The following PPFIBP1 variants were observed in gnomAD, a reference collection of about 807,000 sequenced individuals.
PPFIBP1 encodes the protein PPFIB scaffold protein 1.
In PPFIBP1, 112 loss-of-function variants were observed where a neutral mutation model predicts 137.8. The observed-to-expected ratio is 0.81, with a 90% confidence interval of 0.70 to 0.95. PPFIBP1 has a LOEUF of 0.95. PPFIBP1 is among the 40% of genes least tolerant of loss of function. The pLI is 0.00. For synonymous variants in PPFIBP1, 378 were observed against 417.3 expected, an observed-to-expected ratio of 0.91 and a Z score of 1.15; for missense variants, 1,083 against 1,196.6, an observed-to-expected ratio of 0.91 and a Z score of 1.40.
At chr12:27,530,857 C>T (rs558442302) in intron 1 of PPFIBP1, among the ~76,000 whole-genome samples, 1 of 152,148 alleles carries the variant, frequency 6.6e-6, no homozygotes, top group African/African-American at 2.4e-5. Context: ...AGCAGGCCAT[C>T]GCGTGACCAA....
intron 28 of PPFIBP1, 131 bp downstream of exon 28, chr12:27,692,059 A>T: frequency 1.5e-5 from 11 of 745,814 alleles, no homozygotes; most frequent in Non-Finnish European, 2.3e-5. Context: ...AATAGTGAAC[A>T]CTTAGAGATC....
At chr12:27,602,107 G>A (rs1254056373) in intron 2 of PPFIBP1, among the ~76,000 whole-genome samples, 1 of 152,176 alleles carries the variant, frequency 6.6e-6, no homozygotes, top group Admixed American at 6.5e-5. Context: ...GGTTGGATCT[G>A]GAGAACATTG....
At chr12:27,574,435 C>G (rs959994024) in intron 1 of PPFIBP1, among the ~76,000 whole-genome samples, 1 of 152,014 alleles carries the variant, frequency 6.6e-6, no homozygotes, top group Non-Finnish European at 1.5e-5. Context: ...CCTTACTTAC[C>G]AAGGAAAAGA....
chr12:27,529,995 C>G (rs1230271067), intron 1 of PPFIBP1, among the ~76,000 whole-genome samples: 1 of 152,142 alleles, frequency 6.6e-6, no homozygotes, highest in Non-Finnish European at 1.5e-5. Flanking sequence ...ATCTTACTAC[C>G]ACAGAATTGC....
chr12:27,592,576 C>T, intron 2 of PPFIBP1: 1 of 1,469,458 alleles, frequency 6.8e-7, no homozygotes, highest in Non-Finnish European at 9.5e-7. Context: ...AGGATGATAC[C>T]TCCTCAGCAG....
At chr12:27,689,324 A>AT in intron 27 of PPFIBP1, 121 bp downstream of exon 27, 1 of 830,986 alleles carries the variant, frequency 1.2e-6, no homozygotes, top group Non-Finnish European at 1.8e-6. Context: ...TTACCAGCAG[A>AT]TGCAGGAATC....
intron 26 of PPFIBP1, 33 bp from the exon 27 acceptor site, chr12:27,688,981 CT>C (rs764026498): frequency 1.6e-5 from 25 of 1,581,658 alleles, no homozygotes; most frequent in Non-Finnish European, 6.9e-6. Flanking sequence ...TTTGTGGTGA[CT>C]TTTGACAAGC....
chr12:27,563,088 G>C (rs1186056786), intron 1 of PPFIBP1, among the ~76,000 whole-genome samples: 2 of 150,776 alleles, frequency 1.3e-5, no homozygotes, highest in Non-Finnish European at 2.9e-5. Flanking sequence ...CTTAGGTTGG[G>C]GATAGTTTTT....
intron 6 of PPFIBP1, among the ~76,000 whole-genome samples, chr12:27,649,513 C>G (rs2058743940): frequency 6.6e-6 from 1 of 152,096 alleles, no homozygotes. Context: ...TATTTCTGTT[C>G]AAAGGAGGGT....
intron 11 of PPFIBP1, among the ~76,000 whole-genome samples, chr12:27,663,802 T>C (rs1287363814): frequency 2.0e-5 from 3 of 150,546 alleles, no homozygotes; most frequent in Admixed American, 2.0e-4. Flanking sequence ...ATTGTACCAC[T>C]ACACTGCAGC....
At chr12:27,600,099 A>G (rs914328657) in intron 2 of PPFIBP1, among the ~76,000 whole-genome samples, 1 of 152,130 alleles carries the variant, frequency 6.6e-6, no homozygotes, top group Non-Finnish European at 1.5e-5. Flanking sequence ...ACCCTGTACT[A>G]TGTTTGCAAC....
intron 2 of PPFIBP1, among the ~76,000 whole-genome samples, chr12:27,595,333 C>T (rs140434393): frequency 1.3e-5 from 2 of 152,286 alleles, no homozygotes; most frequent in Non-Finnish European, 2.9e-5. Context: ...CTGGTGGCTG[C>T]CCACATGGAA....
chr12:27,678,013 T>C (rs1343808760), intron 19 of PPFIBP1: 1 of 152,236 alleles, frequency 6.6e-6, no homozygotes, highest in African/African-American at 2.4e-5. Context: ...TAGTTTTTTT[T>C]TGCATCTTTC....
At chr12:27,672,171 G>GTT (rs1163969876) in intron 14 of PPFIBP1, among the ~76,000 whole-genome samples, 1 of 152,192 alleles carries the variant, frequency 6.6e-6, no homozygotes, top group Non-Finnish European at 1.5e-5. Context: ...GTCACGGGCT[G>GTT]TAAGTGTGTT....
At position 27,674,811 on chromosome 12, in the gene PPFIBP1, ATTTTTT is replaced by A. The variant is rs72418237; in HGVS notation, c.1410+606_1410+611del. On this transcript the variant is annotated intron_variant, in intron 17 of 29. Transcript: ENST00000228425. The stretch of plus-strand genomic sequence containing the variant: ...ATGTGCTCAATTCTTCTTTCCCCTG[ATTTTTT>A]TTTTTTTTTTTTTTTGAAATGGTAT... Among the ~76,000 whole-genome samples the A allele has an allele frequency of 1.9e-3, 207 of 108,718 alleles. 1 individual carries two copies. The highest frequency in any genetic ancestry group is 6.4e-3 in the African/African-American group (179 of 28,028). 71.3% of individuals were successfully genotyped at this position (108,718 alleles called of 152,430 possible).
At chr12:27,579,953 C>A (rs765156469) in intron 2 of PPFIBP1, among the ~76,000 whole-genome samples, 1 of 151,978 alleles carries the variant, frequency 6.6e-6, no homozygotes, top group Non-Finnish European at 1.5e-5. Context: ...ATTGTCCTGG[C>A]AGAGAAGGGT....
At chr12:27,572,183 G>T (rs965917031) in intron 1 of PPFIBP1, among the ~76,000 whole-genome samples, 1 of 151,850 alleles carries the variant, frequency 6.6e-6, no homozygotes, top group African/African-American at 2.4e-5. Context: ...TGTAAATTTT[G>T]CACTTCAGTC....
rs565450241 is a variant in PPFIBP1, at chr12:27,557,486, T to C, written c.-123-20666T>C. Among the ~76,000 whole-genome samples the C allele has an allele frequency of 5.9e-5, 9 of 152,168 alleles. No individual in the cohort carries two copies. The South Asian group carries it at 1.9e-3, about 32-fold the overall frequency. On this transcript the variant is annotated intron_variant, in intron 1 of 29. Transcript: ENST00000228425. The stretch of plus-strand genomic sequence containing the variant: ...TCCTGACCTCGTGATCCACCCGCCT[T>C]GGCACACGCCTGCTGGGATTACAGG...
intron 2 of PPFIBP1, among the ~76,000 whole-genome samples, chr12:27,599,787 A>G (rs2053762448): frequency 6.6e-6 from 1 of 152,202 alleles, no homozygotes; most frequent in South Asian, 2.1e-4. Flanking sequence ...ATATCTGACA[A>G]ACTCCATTTG....
Sources: allele counts gnomAD v4.1 joint callset (sites outside exome capture counted in the v4.1 genomes callset), GRCh38; gene constraint gnomAD v4.1.1; transcripts MANE v1.5; gene names NCBI Gene and HGNC (gene_info 2026-07-23, HGNC 2026-07-21).